The following YJU2B variants were observed in gnomAD, a reference collection of about 807,000 sequenced individuals.
YJU2B encodes the protein probable splicing factor YJU2B.
In YJU2B, 18 loss-of-function variants were observed where a neutral mutation model predicts 38.0. The ratio of observed to expected loss-of-function variants is 0.47; its 90% CI spans 0.33 to 0.70. The LOEUF (loss-of-function observed/expected upper bound fraction) is 0.70, where lower values mean the gene tolerates loss of function less well. Among genes scored for constraint, YJU2B ranks in the 30% least tolerant of loss-of-function variants. The probability of loss-of-function intolerance (pLI) is 0.02; values close to 1 mark genes in which losing one functional copy is unlikely to be tolerated. For missense variants in YJU2B, 538 were observed against 556.3 expected (o/e 0.97, Z 0.33); for synonymous variants, 246 against 225.4 (o/e 1.09, Z -0.82).
At chr19:13,750,616 T>C (rs1230192164) in intron 1 of YJU2B, among the ~76,000 whole-genome samples, 2 of 152,036 alleles carry the variant, frequency 1.3e-5, no homozygotes, top group Non-Finnish European at 2.9e-5. Flanking sequence ...CCCAGCACTT[T>C]GGGAGGCCCT....
intron 3 of YJU2B, among the ~76,000 whole-genome samples, chr19:13,755,186 G>A (rs1053091722): frequency 2.7e-5 from 4 of 146,164 alleles, no homozygotes; most frequent in African/African-American, 7.7e-5. Context: ...AAAAAAAGCC[G>A]GCGCCATGGC....
intron 2 of YJU2B, among the ~76,000 whole-genome samples, chr19:13,736,248 T>C (rs923596018): frequency 1.1e-4 from 15 of 137,836 alleles, no homozygotes; most frequent in Non-Finnish European, 1.5e-4. Context: ...CTGCTTTTCT[T>C]TCTTTCTTTT....
intron 8 of YJU2B, 160 bp downstream of exon 8, chr19:13,759,432 A>T (rs1973800788): frequency 1.6e-6 from 1 of 606,068 alleles, no homozygotes; most frequent in Non-Finnish European, 2.8e-6. Flanking sequence ...GTCTTAATCC[A>T]TTCTGGCTAC....
Position 13,747,900 on chromosome 19 carries a change from G to C in YJU2B, c.-256G>C, listed in dbSNP as rs1020230076. ...CGGAGAGGGCGCCCAGGTTCACCGCGCTCTCAGCGCGCACTTCCGGGCACG... is the reference window on the plus strand; with the variant it reads ...CGGAGAGGGCGCCCAGGTTCACCGCCCTCTCAGCGCGCACTTCCGGGCACG... On this transcript the variant is annotated 5_prime_UTR_variant, in exon 1 of 10. Transcript: ENST00000221554. 1 of 152,248 alleles carries C rather than the reference G, an allele frequency of 6.6e-6. No homozygotes were observed. The highest frequency in any genetic ancestry group is 2.1e-4 in the South Asian group (1 of 4,838). 9.4% of individuals were successfully genotyped at this position (152,248 alleles called of 1,614,324 possible).
At chr19:13,745,726 T>G (rs1396830481), upstream of YJU2B, among the ~76,000 whole-genome samples, 1 of 87,444 alleles carries the variant, frequency 1.1e-5, no homozygotes, top group Non-Finnish European at 2.3e-5. Flanking sequence ...TCTATAGATA[T>G]CTATATATAT....
chr19:13,762,789 G>A lies in YJU2B; in HGVS notation c.912G>A (p.Pro304=), dbSNP rs1292157362. The change falls in exon 10 of 10, where the codon CCG becomes CCA. Residue 304 remains proline (P), a synonymous_variant. Transcript: ENST00000221554. The part of the protein sequence containing the change: ...GIVRRRSRDV[P]ESPQHAADTP... The stretch of plus-strand genomic sequence containing the variant: ...TGCGGCGGAGGTCTCGGGACGTCCC[G>A]GAGAGCCCCCAGCATGCGGCCGACA... 4 of 1,602,796 alleles carry A rather than the reference G, an allele frequency of 2.5e-6. No individual in the cohort carries two copies. The highest frequency in any genetic ancestry group is 1.3e-5 in the African/African-American group (1 of 74,630).
chr19:13,758,452 A>G (rs1259011382), intron 6 of YJU2B, among the ~76,000 whole-genome samples: 5 of 140,978 alleles, frequency 3.5e-5, no homozygotes, highest in Admixed American at 1.4e-4. Flanking sequence ...CAAATGAATG[A>G]ACAAATGAAT....
At position 13,757,642 on chromosome 19, in the gene YJU2B, G is replaced by A; in HGVS notation, c.197-144G>A. 2.8e-6 allele frequency: 3 copies of A among 1,080,568 alleles called. No individual in the cohort carries two copies. In the Admixed American group the frequency reaches 5.4e-5, roughly 19 times the overall value. The allele number at this position is 1,080,568 out of a possible 1,614,324, so 66.9% of individuals were successfully genotyped here. ...CCTTTGCAGAGGGATTAGGAAGCCA[G>A]GCTCTGGCTTCCAATCCCGTCTCTA... On this transcript the variant is annotated intron_variant, in intron 5 of 9. Coordinates refer to ENST00000221554, the MANE Select transcript of YJU2B (RefSeq NM_030818.4).
At chr19:13,759,373 T>C in intron 8 of YJU2B, 101 bp downstream of exon 8, 5 of 940,090 alleles carry the variant, frequency 5.3e-6, no homozygotes, top group Non-Finnish European at 4.7e-6. Context: ...CAGGCCACTG[T>C]ACCCTCTGAG....
At position 13,751,719 on chromosome 19, in the gene YJU2B, T is replaced by C. The variant is rs1481494477; in HGVS notation, c.-90T>C. On this transcript the variant is annotated 5_prime_UTR_variant, in exon 2 of 10. Transcript: ENST00000221554. ...GAAGCCTGTGGACCCTCTGCCAGGC[T>C]CCACAAGAGGTCAGGACAGTGCAGT... 2 of 1,414,008 alleles carry C rather than the reference T, an allele frequency of 1.4e-6. No individual in the cohort carries two copies. The highest frequency in any genetic ancestry group is 1.2e-5 in the South Asian group (1 of 86,438). 87.6% of individuals were successfully genotyped at this position (1,414,008 alleles called of 1,614,324 possible).
chr19:13,762,403 G>T lies in YJU2B; in HGVS notation c.678G>T (p.Lys226Asn). ...TGCCCGAGACGGAAGATGACCGCAA[G>T]CTGGCGGCTCTGCTGAAGTTCCACA... Reference protein sequence around the residue: ...PLVPETEDDRKLAALLKFHTL... With the variant: ...PLVPETEDDRNLAALLKFHTL... The change falls in exon 9 of 10, where the codon AAG becomes AAT. Residue 226 changes from lysine to asparagine, a missense_variant. Transcript: ENST00000221554. 1 of 1,613,630 alleles carries T rather than the reference G, an allele frequency of 6.2e-7. No homozygotes were observed. Among genetic ancestry groups the T allele is most frequent in the East Asian group, 2.2e-5 (1 of 44,862 alleles).
At position 13,741,274 on chromosome 19, in the gene YJU2B, C is replaced by T. The variant is rs564439083; in HGVS notation, c.-202+8989C>T. On this transcript the variant is annotated intron_variant, in intron 2 of 10. Coordinates refer to the YJU2B transcript ENST00000586600. ...GGTTCAAGTGATTCTCCTGCCTCAG[C>T]CTCCTGAGTAGCTGGGATTACAGGT... Among the ~76,000 whole-genome samples, 3 of 151,548 alleles carry T rather than the reference C, an allele frequency of 2.0e-5. No individual in the cohort carries two copies. The South Asian group carries it at 6.2e-4, about 31-fold the overall frequency.
In YJU2B at chr19:13,755,467, A is replaced by T. The variant is rs896423578; in HGVS notation, c.58-730A>T. 9.1e-4 allele frequency among the ~76,000 whole-genome samples: 138 copies of T among 151,876 alleles called. 4 individuals carry two copies. In the East Asian group the frequency reaches 0.022, roughly 24 times the overall value. ...AGAGCGAGACTCTGTCTCAAAAAAA[A>T]AAAAAAAAAAATAAGGTGATGCACA... On this transcript the variant is annotated intron_variant, in intron 3 of 9. Transcript: ENST00000221554.
At chr19:13,741,336 G>T (rs1973089542) in intron 2 of YJU2B, among the ~76,000 whole-genome samples, 1 of 151,718 alleles carries the variant, frequency 6.6e-6, no homozygotes, top group African/African-American at 2.4e-5. Context: ...TGTATTTTTA[G>T]TAGAGATGGG....
In YJU2B at chr19:13,759,201, C is replaced by T; in HGVS notation, c.502C>T (p.His168Tyr). 1 of 1,613,592 alleles carries T rather than the reference C, an allele frequency of 6.2e-7. No individual in the cohort carries two copies. The highest frequency in any genetic ancestry group is 8.5e-7 in the Non-Finnish European group (1 of 1,179,804). Residue 168 changes from histidine (H) to tyrosine (Y), a missense_variant, in exon 8 of 10, where the codon CAC becomes TAC. Coordinates refer to ENST00000221554, the MANE Select transcript of YJU2B (RefSeq NM_030818.4). ...TLKKALPTLS[H>Y]IQEAQSAWKD... is the part of the protein sequence containing the mutation. ...CAAGAAGGCGCTGCCCACACTGAGC[C>T]ACATCCAGGAGGCCCAGAGCGCCTG...
chr19:13,751,558 T>A (rs1464738116), intron 1 of YJU2B, 50 bp from the exon 2 acceptor site: 7 of 523,796 alleles, frequency 1.3e-5, no homozygotes, highest in African/African-American at 7.7e-5. Context: ...GTGTCAGATG[T>A]GATGCGTATA....
chr19:13,743,912 G>GAAA (rs1468564271), upstream of YJU2B, among the ~76,000 whole-genome samples: 84 of 144,898 alleles, frequency 5.8e-4, no homozygotes, highest in Middle Eastern at 0.016. Flanking sequence ...GAAAAAAATA[G>GAAA]GCTGGGCGCA....
intron 4 of YJU2B, among the ~76,000 whole-genome samples, chr19:13,756,691 G>A (rs943706484): frequency 4.6e-5 from 7 of 152,098 alleles, no homozygotes; most frequent in African/African-American, 7.2e-5. Context: ...GACAGTGATC[G>A]TAGTTGGGCA....
intron 4 of YJU2B, among the ~76,000 whole-genome samples, chr19:13,756,712 C>T (rs1037128786): frequency 1.3e-5 from 2 of 152,104 alleles, no homozygotes; most frequent in Non-Finnish European, 2.9e-5. Flanking sequence ...CAGTGGGTCA[C>T]GCCTGTAAAC....
Sources: gnomAD v4.1 joint callset for allele counts (sites outside exome capture counted in the v4.1 genomes callset) on GRCh38, gnomAD v4.1.1 for gene constraint, MANE v1.5 for transcripts, NCBI Gene and HGNC (gene_info 2026-07-23, HGNC 2026-07-21) for gene names.